Variants in IP6K3 observed in about 807,000 individuals in gnomAD.
The protein encoded by IP6K3 is inositol hexakisphosphate kinase 3.
IP6K3 carries 20 observed loss-of-function variants against 28.8 expected under a neutral mutation model. That is an observed-to-expected ratio of 0.70 (90% confidence interval 0.49 to 1.01). The LOEUF (loss-of-function observed/expected upper bound fraction) is 1.01, where lower values mean the gene tolerates loss of function less well. Among genes scored for constraint, IP6K3 ranks in the 50% least tolerant of loss-of-function variants. IP6K3 has a pLI of 0.00. For synonymous variants in IP6K3, 213 were observed against 221.3 expected, an observed-to-expected ratio of 0.96 and a Z score of 0.33; for missense variants, 480 against 537.1, an observed-to-expected ratio of 0.89 and a Z score of 1.05.
rs1766835830 is a variant in IP6K3, at chr6:33,744,455, G to A, written c.-180+2303C>T. ...TCTTTAAGGTCAAAACACAATAATG[G>A]GATGGAGTGTGTGTGCGTGCATGTG... is the stretch of plus-strand genomic sequence containing the variant. On this transcript the variant is annotated intron_variant, in intron 1 of 5. Transcript: ENST00000293756. The surrounding 1 kb of genome is among the most constrained non-coding windows in gnomAD (Gnocchi z 4.4). Among the ~76,000 whole-genome samples the A allele has an allele frequency of 6.6e-6, 1 of 152,142 alleles. No individual in the cohort carries two copies. Among genetic ancestry groups the A allele is most frequent in the South Asian group, 2.1e-4 (1 of 4,828 alleles).
chr6:33,758,006 C>T, the IP6K3 span, among the ~76,000 whole-genome samples: 1 of 152,152 alleles, frequency 6.6e-6, no homozygotes, highest in African/African-American at 2.4e-5. Context: ...AAGAGAATGG[C>T]GTGGCGTCTG....
Position 33,744,449 on chromosome 6 carries a change from A to G in IP6K3, c.-180+2309T>C, listed in dbSNP as rs950458440. On this transcript the variant is annotated intron_variant, in intron 1 of 5. Transcript: ENST00000293756. This position sits in a 1 kb window ranked among gnomAD's most constrained non-coding sequence, Gnocchi z 4.4. ...AACAGCTCTTTAAGGTCAAAACACA[A>G]TAATGGGATGGAGTGTGTGTGCGTG... 6.6e-5 allele frequency among the ~76,000 whole-genome samples: 10 copies of G among 152,142 alleles called. No individual in the cohort carries two copies. The highest frequency in any genetic ancestry group is 1.5e-4 in the Non-Finnish European group (10 of 68,012).
chr6:33,722,506 C>T lies in IP6K3; in HGVS notation c.*214G>A, dbSNP rs1765937328. ...TCCTGGCTGTCTGTTCTCCGATGAG[C>T]AGCATTAGAGCATAATGCCAGGGGA... is the stretch of plus-strand genomic sequence containing the variant. On this transcript the variant is annotated 3_prime_UTR_variant, in exon 6 of 6. Transcript: ENST00000293756. The T allele has an allele frequency of 4.7e-6, 2 of 427,096 alleles. No individual in the cohort carries two copies. The highest frequency in any genetic ancestry group is 8.3e-6 in the Non-Finnish European group (2 of 241,174). 26.5% of individuals were successfully genotyped at this position (427,096 alleles called of 1,614,324 possible).
the IP6K3 span, among the ~76,000 whole-genome samples, chr6:33,759,976 C>T: frequency 1.5e-4 from 23 of 152,144 alleles, no homozygotes; most frequent in African/African-American, 4.6e-4. Context: ...CCAAAGGATG[C>T]GCAGTGCAGG....
intron 1 of IP6K3, among the ~76,000 whole-genome samples, chr6:33,736,473 C>T (rs370765633): frequency 6.6e-6 from 1 of 151,574 alleles, no homozygotes; most frequent in Non-Finnish European, 1.5e-5. Context: ...GGTGTGATCT[C>T]GGCTCACTGC....
chr6:33,726,565 C>T (rs570690810), intron 4 of IP6K3, among the ~76,000 whole-genome samples, 166 bp downstream of exon 4: 1 of 152,180 alleles, frequency 6.6e-6, no homozygotes, highest in Non-Finnish European at 1.5e-5. Flanking sequence ...CTTCTAGGAC[C>T]CGGGTTTGAG....
chr6:33,725,345 C>T lies in IP6K3; in HGVS notation c.765+96G>A, dbSNP rs1766060363. 6.9e-6 allele frequency: 9 copies of T among 1,304,974 alleles called. 1 individual carries two copies. Among genetic ancestry groups the T allele is most frequent in the Admixed American group, 4.6e-5 (2 of 43,368 alleles). The allele number at this position is 1,304,974 out of a possible 1,614,324, so 80.8% of individuals were successfully genotyped here. ...TGTGGCTCCTCCAGAGTGAAGGGCT[C>T]TGCAGGGGGGCAGTGGCATCTGGAT... On this transcript the variant is annotated intron_variant, in intron 5 of 5. Transcript: ENST00000293756.
chr6:33,735,240 G>A, intron 2 of IP6K3, 38 bp downstream of exon 2: 1 of 1,570,556 alleles, frequency 6.4e-7, no homozygotes, highest in Non-Finnish European at 8.7e-7. Flanking sequence ...CCCCCGTGTG[G>A]CAGCACCCAG....
chr6:33,726,903 C>G lies in IP6K3; in HGVS notation c.417G>C (p.Pro139=), dbSNP rs775394123. Residue 139 remains proline (P), a synonymous_variant, in exon 4 of 6, where the codon CCG becomes CCC. Transcript: ENST00000293756. ...AQLARSPKES[P]AKALLRSEPH... ...GCTCGGACCTCAGAAGAGCCTTGGC[C>G]GGGCTGCGGCGGAGTGGAGCACAGG... is the stretch of plus-strand genomic sequence containing the variant. 2 of 1,597,346 alleles carry G rather than the reference C, an allele frequency of 1.3e-6. No individual in the cohort carries two copies. The highest frequency in any genetic ancestry group is 1.7e-6 in the Non-Finnish European group (2 of 1,167,418).
At position 33,735,397 on chromosome 6, in the gene IP6K3, C is replaced by A; in HGVS notation, c.80G>T (p.Gly27Val). ...GTCATACTTCATCACGCTCATGTGC[C>A]CCCCGACCTGGTGCAGGAAGGGCTC... ...QLEPFLHQVGGHMSVMKYDEH... is the reference protein window; with the variant it reads ...QLEPFLHQVGVHMSVMKYDEH... Residue 27 changes from glycine to valine, a missense_variant, in exon 2 of 6, where the codon GGG becomes GTG. Transcript: ENST00000293756. The A allele has an allele frequency of 6.2e-7, 1 of 1,607,414 alleles. No individual in the cohort carries two copies.
chr6:33,740,511 A>T (rs1426561144), intron 1 of IP6K3, among the ~76,000 whole-genome samples: 1 of 152,206 alleles, frequency 6.6e-6, no homozygotes, highest in African/African-American at 2.4e-5. Flanking sequence ...AGCCTGTGCT[A>T]GCCTGTGAGA....
At chr6:33,735,160 G>A (rs1398946076) in intron 2 of IP6K3, 118 bp downstream of exon 2, 14 of 768,964 alleles carry the variant, frequency 1.8e-5, no homozygotes, top group African/African-American at 1.4e-4. Flanking sequence ...GGAGAGGGGC[G>A]CGTCTCTGTG....
intron 4 of IP6K3, among the ~76,000 whole-genome samples, chr6:33,726,445 AC>A (rs1437140558): frequency 6.6e-6 from 1 of 152,184 alleles, no homozygotes. Flanking sequence ...ACCCATCTTT[AC>A]TGCCAAGTAG....
the IP6K3 span, among the ~76,000 whole-genome samples, chr6:33,754,437 A>G: frequency 0.01 from 1,589 of 152,288 alleles, 25 homozygotes; most frequent in African/African-American, 0.031. Context: ...CAGGGCCGCT[A>G]AAGTAATTGA....
rs1050149186 is a variant in IP6K3, at chr6:33,722,556, T to A, written c.*164A>T. ...ATGTGGAATCACCTCCAGAGCTGAT[T>A]TGTTCAGCAGCTGTTAATATAGTCT... On this transcript the variant is annotated 3_prime_UTR_variant, in exon 6 of 6. Transcript: ENST00000293756. The A allele has an allele frequency of 2.3e-5, 13 of 557,328 alleles. No homozygotes were observed. The highest frequency in any genetic ancestry group is 3.8e-5 in the African/African-American group (2 of 53,166). The allele number at this position is 557,328 out of a possible 1,614,324, so 34.5% of individuals were successfully genotyped here. A position where few individuals can be genotyped will look rare whatever the true frequency, so the allele number is the denominator to read the frequency against.
chr6:33,729,397 C>A (rs938512672), intron 2 of IP6K3, among the ~76,000 whole-genome samples: 2 of 152,236 alleles, frequency 1.3e-5, no homozygotes, highest in Non-Finnish European at 2.9e-5. Context: ...CTCTGCACCC[C>A]CTCTGTCCTG....
At position 33,732,698 on chromosome 6, in the gene IP6K3, C is replaced by T. The variant is rs148782519; in HGVS notation, c.199+2580G>A. On this transcript the variant is annotated intron_variant, in intron 2 of 5. Transcript: ENST00000293756. ...CTCAGCTTCCTCATCTATGACAGGG[C>T]GGATAAAGGTCCCTGCCTCAGTGTG... 6.6e-4 allele frequency among the ~76,000 whole-genome samples: 100 copies of T among 152,302 alleles called. 1 individual carries two copies. The highest frequency in any genetic ancestry group is 4.6e-3 in the South Asian group (22 of 4,822).
chr6:33,733,808 G>C (rs1284197444), intron 2 of IP6K3, among the ~76,000 whole-genome samples: 1 of 152,228 alleles, frequency 6.6e-6, no homozygotes, highest in East Asian at 1.9e-4. Flanking sequence ...GTCCTGGCAG[G>C]CTGGCCTGGA....
chr6:33,725,848 GC>G (rs1766092227), intron 4 of IP6K3, among the ~76,000 whole-genome samples: 2 of 152,300 alleles, frequency 1.3e-5, no homozygotes, highest in African/African-American at 4.8e-5. Context: ...GAGTATGTGA[GC>G]TTTTTTTTCC....
Sources: allele counts gnomAD v4.1 joint callset (sites outside exome capture counted in the v4.1 genomes callset), GRCh38; gene constraint gnomAD v4.1.1; non-coding constraint Gnocchi (gnomAD v3.1); transcripts MANE v1.5; gene names NCBI Gene and HGNC (gene_info 2026-07-23, HGNC 2026-07-21).